Variants in SLC19A2 observed in about 807,000 individuals in gnomAD.
SLC19A2 encodes solute carrier family 19 member 2.
SLC19A2 carries 27 observed loss-of-function variants against 44.7 expected under a neutral mutation model. The observed-to-expected ratio is 0.60, with a 90% CI of 0.45 to 0.83. SLC19A2 has a LOEUF of 0.83. Among genes scored for constraint, SLC19A2 ranks in the 40% least tolerant of loss-of-function variants. The pLI is 0.00. For synonymous variants in SLC19A2, 239 were observed against 243.6 expected (o/e 0.98, Z 0.18); for missense variants, 566 against 613.7 (o/e 0.92, Z 0.82).
chr1:169,482,109 G>A (rs1658456017), intron 1 of SLC19A2, among the ~76,000 whole-genome samples: 1 of 151,950 alleles, frequency 6.6e-6, no homozygotes, highest in Admixed American at 6.6e-5. Context: ...GCTGAGCCAG[G>A]AGAATCACTT....
chr1:169,467,991 A>C (rs1487733983), intron 5 of SLC19A2, 120 bp downstream of exon 5: 1 of 958,964 alleles, frequency 1.0e-6, no homozygotes, highest in African/African-American at 1.6e-5. Context: ...GAAGGAGGGT[A>C]TGCTTTTACT....
chr1:169,470,510 G>A (rs1658147938), intron 2 of SLC19A2, among the ~76,000 whole-genome samples: 1 of 152,056 alleles, frequency 6.6e-6, no homozygotes, highest in Admixed American at 6.6e-5. Context: ...CCATAAACTG[G>A]CAAACAACAT....
At chr1:169,480,992 TA>T (rs1658430516) in intron 1 of SLC19A2, among the ~76,000 whole-genome samples, 1 of 152,010 alleles carries the variant, frequency 6.6e-6, no homozygotes, top group African/African-American at 2.4e-5. Flanking sequence ...CAATAACAAC[TA>T]AAAACAAAAA....
chr1:169,477,208 C>T lies in SLC19A2; in HGVS notation c.754G>A (p.Asp252Asn), dbSNP rs1025059195. 6.2e-6 allele frequency: 10 copies of T among 1,613,930 alleles called. No individual in the cohort carries two copies. Among genetic ancestry groups the T allele is most frequent in the African/African-American group, 1.3e-5 (1 of 74,912 alleles). Residue 252 changes from aspartate (D) to asparagine (N), a missense_variant, in exon 2 of 6, where the codon GAC becomes AAC. Transcript: ENST00000236137. Reference sequence around the variant, plus strand: ...TTTAGAGGGATTTTTGACTCAATGTCCTCCCAGCCAGGAAGGTGGTTAGAA... The same window carrying T: ...TTTAGAGGGATTTTTGACTCAATGTTCTCCCAGCCAGGAAGGTGGTTAGAA... ...PASNHLPGWE[D>N]IESKIPLNME...
At chr1:169,484,477 AAAAG>A (rs1255754336) in intron 1 of SLC19A2, among the ~76,000 whole-genome samples, 1 of 152,158 alleles carries the variant, frequency 6.6e-6, no homozygotes, top group Admixed American at 6.5e-5. Context: ...GGTGTAGGAA[AAAAG>A]AAAAAGCTCT....
rs1314857568 is a variant in SLC19A2, at chr1:169,477,601, G to A, written c.361C>T (p.Leu121=). The A allele has an allele frequency of 6.2e-7, 1 of 1,614,052 alleles. No homozygotes were observed. The highest frequency in any genetic ancestry group is 8.5e-7 in the Non-Finnish European group (1 of 1,180,028). The change falls in exon 2 of 6, where the codon CTG becomes TTG. Residue 121 remains leucine, a synonymous_variant. Coordinates refer to ENST00000236137, the MANE Select transcript of SLC19A2 (RefSeq NM_006996.3). ...AATTCTAGAAATTGAATGGCCAGCA[G>A]TCCCTGGGCATAGAGCAGCATAAAC... ...TWFMLLYAQG[L]LAIQFLEFFY...
chr1:169,472,842 A>G (rs1220894012), intron 2 of SLC19A2, among the ~76,000 whole-genome samples: 1 of 152,264 alleles, frequency 6.6e-6, no homozygotes, highest in Non-Finnish European at 1.5e-5. Flanking sequence ...AGCATTTGAC[A>G]TATTACCTTT....
intron 3 of SLC19A2, 127 bp from the exon 4 acceptor site, chr1:169,468,963 T>C (rs1557888706): frequency 2.5e-6 from 2 of 793,968 alleles, no homozygotes; most frequent in Non-Finnish European, 4.0e-6. Context: ...CTCAAGATTA[T>C]GGAGGGCCTT....
rs760432864 is a variant in SLC19A2, at chr1:169,485,583, T to G, written c.184A>C (p.Lys62Gln). The G allele has an allele frequency of 3.2e-6, 5 of 1,587,086 alleles. No individual in the cohort carries two copies. The highest frequency in any genetic ancestry group is 4.3e-6 in the Non-Finnish European group (5 of 1,166,920). The change falls in exon 1 of 6, where the codon AAG (lysine) becomes CAG (glutamine). Residue 62 changes from lysine (K) to glutamine (Q), a missense_variant. Physicochemically the swap from Lys to Gln is moderately conservative, Grantham distance 53. Transcript: ENST00000236137. ...CGTACCTCCCTCTCGGTCAGGTTCT[T>G]GTCCGGCCCCAGCAGGTACGGGGTC... ...FLTPYLLGPDKNLTEREVFNE... is the reference protein window; with the variant it reads ...FLTPYLLGPDQNLTEREVFNE...
In SLC19A2 at chr1:169,477,336, G is replaced by T. The variant is rs778887103; in HGVS notation, c.626C>A (p.Pro209His). The T allele has an allele frequency of 6.2e-7, 1 of 1,614,120 alleles. No homozygotes were observed. The change falls in exon 2 of 6, where the codon CCT becomes CAT. Residue 209 changes from proline (P) to histidine (H), a missense_variant. Transcript: ENST00000236137. ...AAAGAAGAGGCTCTTCTGTGGCATAGGTAAAAACCAGGCCACAGCAAAAGC... is the reference window on the plus strand; with the variant it reads ...AAAGAAGAGGCTCTTCTGTGGCATATGTAAAAACCAGGCCACAGCAAAAGC... ...SVAFAVAWFLPMPQKSLFFHH... is the reference protein window; with the variant it reads ...SVAFAVAWFLHMPQKSLFFHH...
chr1:169,468,928 A>T, intron 3 of SLC19A2, 92 bp from the exon 4 acceptor site: 1 of 1,159,554 alleles, frequency 8.6e-7, no homozygotes, highest in Non-Finnish European at 1.3e-6. Flanking sequence ...AAATTTTAAA[A>T]TCTGCAAACT....
intron 2 of SLC19A2, among the ~76,000 whole-genome samples, chr1:169,473,034 C>T (rs1311388195): frequency 6.6e-5 from 10 of 152,142 alleles, no homozygotes; most frequent in Non-Finnish European, 1.0e-4. Context: ...ATTATCAGAC[C>T]TGCATTCCTG....
intron 5 of SLC19A2, among the ~76,000 whole-genome samples, chr1:169,467,595 A>G (rs1246769476): frequency 6.6e-6 from 1 of 152,188 alleles, no homozygotes; most frequent in Admixed American, 6.5e-5. Flanking sequence ...CGTAAAAAGT[A>G]TTCACATTGT....
At position 169,477,323 on chromosome 1, in the gene SLC19A2, C is replaced by T. The variant is rs137970656; in HGVS notation, c.639G>A (p.Lys213=). ...AAGGAATGTGGTGAAAGAAGAGGCT[C>T]TTCTGTGGCATAGGTAAAAACCAGG... ...AVAWFLPMPQ[K]SLFFHHIPST... The change falls in exon 2 of 6, where the codon AAG becomes AAA. Residue 213 remains lysine (K), a synonymous_variant. Coordinates refer to ENST00000236137, the MANE Select transcript of SLC19A2 (RefSeq NM_006996.3). 1,581 of 1,614,174 alleles carry T rather than the reference C, an allele frequency of 9.8e-4. 19 individuals carry two copies. Among genetic ancestry groups the T allele is most frequent in the Middle Eastern group, 5.1e-3 (31 of 6,062 alleles).
rs1350286665 is a variant in SLC19A2, at chr1:169,469,002, A to T, written c.1031-166T>A. 1.6e-5 allele frequency: 10 copies of T among 631,336 alleles called. No individual in the cohort carries two copies. In the Admixed American group the frequency reaches 1.7e-4, roughly 11 times the overall value. The allele number at this position is 631,336 out of a possible 1,614,324, so 39.1% of individuals were successfully genotyped here. On this transcript the variant is annotated intron_variant, in intron 3 of 5. Coordinates refer to ENST00000236137, the MANE Select transcript of SLC19A2 (RefSeq NM_006996.3). ...ACTCACACAGAAATTTCTGAACTTGATGGAATCAATAAAATGGAGCCACTG... is the reference window on the plus strand; with the variant it reads ...ACTCACACAGAAATTTCTGAACTTGTTGGAATCAATAAAATGGAGCCACTG...
chr1:169,477,071 C>T, intron 2 of SLC19A2, 84 bp downstream of exon 2: 4 of 1,442,874 alleles, frequency 2.8e-6, no homozygotes, highest in Non-Finnish European at 3.9e-6. Context: ...AATACAAGAT[C>T]TACCAAGAGG....
rs141677505 is a variant in SLC19A2 at position 169,477,381 on chromosome 1, G to C, written c.581C>G (p.Ser194Cys). 6.2e-7 allele frequency: 1 copy of C among 1,614,188 alleles called. No homozygotes were observed. Among genetic ancestry groups the C allele is most frequent in the African/African-American group, 1.3e-5 (1 of 75,038 alleles). Residue 194 changes from serine to cysteine, a missense_variant, in exon 2 of 6, where the codon TCT becomes TGT. Coordinates refer to ENST00000236137, the MANE Select transcript of SLC19A2 (RefSeq NM_006996.3). ...AAAAGCCACTGAAACACAGGTAAGA[G>C]AGATGACATTCAGGCTGAACAGCGA... Reference protein sequence around the residue: ...GWSLFSLNVISLTCVSVAFAV... With the variant: ...GWSLFSLNVICLTCVSVAFAV...
Position 169,468,355 on chromosome 1 carries a change from CCTT to C in SLC19A2, c.1224-106_1224-104del, listed in dbSNP as rs71944465. The C allele has an allele frequency of 0.05, 51,136 of 1,028,534 alleles. 1,684 individuals carry two copies. Among genetic ancestry groups the C allele is most frequent in the East Asian group, 0.097 (3,742 of 38,394 alleles). The allele number at this position is 1,028,534 out of a possible 1,614,324, so 63.7% of individuals were successfully genotyped here. A position where few individuals can be genotyped will look rare whatever the true frequency, so the allele number is the denominator to read the frequency against. On this transcript the variant is annotated intron_variant, in intron 4 of 5. Coordinates refer to ENST00000236137, the MANE Select transcript of SLC19A2 (RefSeq NM_006996.3). ...ACATTTATCTTTAAACATGAAGAGT[CCTT>C]CTTTCTACTGTCAATTGCCTTTCCA...
At chr1:169,477,791 AT>A in intron 1 of SLC19A2, 34 bp from the exon 2 acceptor site, 1 of 1,574,242 alleles carries the variant, frequency 6.4e-7, no homozygotes, top group South Asian at 1.2e-5. Flanking sequence ...AACAAAAAAC[AT>A]TAGTGATGAA....
Sources: gnomAD v4.1 joint callset for allele counts (sites outside exome capture counted in the v4.1 genomes callset) on GRCh38, gnomAD v4.1.1 for gene constraint, MANE v1.5 for transcripts, NCBI Gene and HGNC (gene_info 2026-07-23, HGNC 2026-07-21) for gene names.